Variants in MALRD1 observed in about 807,000 individuals in gnomAD.
MALRD1 encodes the protein MAM and LDL-receptor class A domain-containing protein 1.
In MALRD1, 247 loss-of-function variants were observed where a neutral mutation model predicts 242.1. That is an observed-to-expected ratio of 1.02 (90% CI 0.92 to 1.13). MALRD1 has a LOEUF of 1.13. Among genes scored for constraint, MALRD1 ranks in the 50% most tolerant of loss-of-function variants. MALRD1 has a pLI of 0.00. For synonymous variants in MALRD1, 995 were observed against 866.6 expected (o/e 1.15, Z -2.60); for missense variants, 2,989 against 2,533.1 (o/e 1.18, Z -3.86).
At chr10:19,088,003 G>T (rs1365589574) in intron 3 of MALRD1, 21 bp from the exon 4 acceptor site, 3 of 1,232,976 alleles carry the variant, frequency 2.4e-6, no homozygotes, top group Non-Finnish European at 2.0e-6. Flanking sequence ...TAATTGTTTG[G>T]GTACTAATTG....
chr10:19,536,726 G>GAACATTAAT (rs1478983793), intron 32 of MALRD1, among the ~76,000 whole-genome samples: 2 of 152,014 alleles, frequency 1.3e-5, no homozygotes, highest in African/African-American at 2.4e-5. Context: ...AATTTGTCCT[G>GAACATTAAT]AACATTAATT....
At chr10:19,414,661 T>A (rs192000934) in intron 28 of MALRD1, among the ~76,000 whole-genome samples, 1 of 152,226 alleles carries the variant, frequency 6.6e-6, no homozygotes, top group Admixed American at 6.5e-5. Flanking sequence ...AAGGATGTAA[T>A]AGTGACTTCA....
intron 10 of MALRD1, among the ~76,000 whole-genome samples, chr10:19,145,997 A>T (rs1423628623): frequency 1.3e-5 from 2 of 152,184 alleles, no homozygotes; most frequent in Non-Finnish European, 2.9e-5. Context: ...AGATGGAAGC[A>T]TGTGGAAGGG....
chr10:19,607,337 T>A (rs1307457626), intron 34 of MALRD1, among the ~76,000 whole-genome samples: 1 of 152,138 alleles, frequency 6.6e-6, no homozygotes, highest in African/African-American at 2.4e-5. Context: ...AGGTTTGGTG[T>A]CTCCTAAGGC....
intron 18 of MALRD1, among the ~76,000 whole-genome samples, chr10:19,248,478 A>G (rs572508808): frequency 9.9e-5 from 15 of 151,978 alleles, no homozygotes; most frequent in African/African-American, 3.4e-4. Flanking sequence ...ACAATTTTAT[A>G]GTAAGAATTA....
At chr10:19,511,329 C>A (rs1833392773) in intron 31 of MALRD1, among the ~76,000 whole-genome samples, 1 of 152,050 alleles carries the variant, frequency 6.6e-6, no homozygotes. Context: ...TCTTTAAATT[C>A]TCTACAAATA....
At chr10:19,325,703 G>A (rs993767701) in intron 22 of MALRD1, among the ~76,000 whole-genome samples, 1 of 152,100 alleles carries the variant, frequency 6.6e-6, no homozygotes, top group African/African-American at 2.4e-5. Flanking sequence ...AGCAGTTTTA[G>A]AGTAGGGCTA....
At chr10:19,148,672 AGTG>A (rs1211014044) in intron 11 of MALRD1, among the ~76,000 whole-genome samples, 2 of 151,570 alleles carry the variant, frequency 1.3e-5, no homozygotes, top group Non-Finnish European at 1.5e-5. Context: ...GATGAAGAAT[AGTG>A]AAAGATAACA....
At chr10:19,054,995 T>A (rs149260177) in intron 1 of MALRD1, among the ~76,000 whole-genome samples, 1,758 of 152,310 alleles carry the variant, frequency 0.012, 14 homozygotes, top group Non-Finnish European at 0.018. Context: ...ATAATGACAA[T>A]ACTAATTTAC....
chr10:19,587,695 CA>C (rs1287803490), intron 33 of MALRD1, among the ~76,000 whole-genome samples: 1 of 152,162 alleles, frequency 6.6e-6, no homozygotes, highest in Non-Finnish European at 1.5e-5. Flanking sequence ...CCTACAATAT[CA>C]GGAACTGGAA....
chr10:19,230,658 C>T (rs117739219), intron 18 of MALRD1, among the ~76,000 whole-genome samples: 2,771 of 152,200 alleles, frequency 0.018, 63 homozygotes, highest in Non-Finnish European at 0.023. Context: ...GATACCAAAG[C>T]TGACAATGCT....
At chr10:19,278,422 C>A (rs562165125) in intron 19 of MALRD1, among the ~76,000 whole-genome samples, 27 of 152,082 alleles carry the variant, frequency 1.8e-4, no homozygotes, top group African/African-American at 6.0e-4. Context: ...TTCATTCATC[C>A]ACTCTGGTAT....
intron 28 of MALRD1, among the ~76,000 whole-genome samples, chr10:19,429,483 G>C (rs533054793): frequency 6.6e-6 from 1 of 152,270 alleles, no homozygotes; most frequent in African/African-American, 2.4e-5. Context: ...AGGATCACGT[G>C]AACCCGGGAG....
chr10:19,708,057 A>T (rs1589426788), intron 38 of MALRD1, among the ~76,000 whole-genome samples: 1 of 115,348 alleles, frequency 8.7e-6, no homozygotes, highest in African/African-American at 2.7e-5. Context: ...GTGAGAAAAT[A>T]AAAAAAAAAG....
intron 5 of MALRD1, among the ~76,000 whole-genome samples, chr10:19,121,901 A>G (rs1385671200): frequency 2.3e-4 from 35 of 152,160 alleles, no homozygotes; most frequent in Non-Finnish European, 5.9e-5. Flanking sequence ...AAAGCTTTGA[A>G]TAGTTGTCTA....
chr10:19,352,238 A>G lies in MALRD1; in HGVS notation c.4382A>G (p.Glu1461Gly). The change falls in exon 26 of 40, where the codon GAA (glutamate) becomes GGA (glycine). Residue 1461 changes from glutamate (E) to glycine (G), a missense_variant. Physicochemically the swap from Glu to Gly is moderately conservative, Grantham distance 98 (BLOSUM62 -2). Coordinates refer to ENST00000454679, the MANE Select transcript of MALRD1 (RefSeq NM_001142308.3). ...DIALDDIVLT[E>G]NCLSLHDSVQ... ...GCACTTGATGACATTGTGCTTACAGAAAATTGTCTATCACTCCATGATTCC... is the reference window on the plus strand; with the variant it reads ...GCACTTGATGACATTGTGCTTACAGGAAATTGTCTATCACTCCATGATTCC... The G allele has an allele frequency of 6.4e-7, 1 of 1,550,396 alleles. No homozygotes were observed. Among genetic ancestry groups the G allele is most frequent in the South Asian group, 1.2e-5 (1 of 84,050 alleles).
At chr10:19,479,861 T>C (rs1836908277) in intron 29 of MALRD1, among the ~76,000 whole-genome samples, 2 of 152,060 alleles carry the variant, frequency 1.3e-5, no homozygotes, top group Admixed American at 6.6e-5. Context: ...CGTGGAGAGG[T>C]ACAGAACATG....
At chr10:19,456,045 A>C (rs1835632572) in intron 29 of MALRD1, among the ~76,000 whole-genome samples, 6 of 152,160 alleles carry the variant, frequency 3.9e-5, no homozygotes, top group Admixed American at 3.3e-4. Flanking sequence ...TGCCTTTTCA[A>C]CTGAATATCT....
rs895167639 is a variant in MALRD1 at position 19,211,579 on chromosome 10, T to G, written c.2991+1899T>G. On this transcript the variant is annotated intron_variant, in intron 18 of 39. Transcript: ENST00000454679. ...GCACGCACCTGTAATCCCAGCTACT[T>G]GGGAGGGTGAGGCAGGATAATCGCT... 4.1e-5 allele frequency among the ~76,000 whole-genome samples: 6 copies of G among 147,002 alleles called. No individual in the cohort carries two copies. In the Admixed American group the frequency reaches 4.2e-4, roughly 10 times the overall value.
Sources: gnomAD v4.1 joint callset for allele counts (sites outside exome capture counted in the v4.1 genomes callset) on GRCh38, gnomAD v4.1.1 for gene constraint, MANE v1.5 for transcripts, NCBI Gene and HGNC (gene_info 2026-07-23, HGNC 2026-07-21) for gene names.